Variants in ATP13A3 observed in about 807,000 individuals in gnomAD.
ATP13A3 encodes polyamine-transporting ATPase 13A3.
ATP13A3 carries 59 observed loss-of-function variants against 158.1 expected under a neutral mutation model. The ratio of observed to expected loss-of-function variants is 0.37; its 90% CI spans 0.30 to 0.46. The LOEUF is 0.46. ATP13A3 is among the 20% of genes least tolerant of loss of function. ATP13A3 has a pLI of 1.00. For synonymous variants in ATP13A3, 491 were observed against 504.3 expected, an observed-to-expected ratio of 0.97 and a Z score of 0.35; for missense variants, 1,166 against 1,525.2, an observed-to-expected ratio of 0.76 and a Z score of 3.92.
At chr3:194,413,940 A>G in intron 31 of ATP13A3, 101 bp from the exon 32 acceptor site, 1 of 944,890 alleles carries the variant, frequency 1.1e-6, no homozygotes, top group East Asian at 2.4e-5. Flanking sequence ...ATGATGTACC[A>G]AACACCTTCA....
chr3:194,460,949 T>C (rs1719613939), intron 3 of ATP13A3, 118 bp from the exon 4 acceptor site: 3 of 1,090,626 alleles, frequency 2.8e-6, no homozygotes, highest in Non-Finnish European at 3.8e-6. Flanking sequence ...TCACATAAAC[T>C]GTAAATATTT....
chr3:194,426,928 C>T (rs948344327), intron 29 of ATP13A3, 147 bp downstream of exon 29: 3 of 749,374 alleles, frequency 4.0e-6, no homozygotes, highest in Non-Finnish European at 6.3e-6. Flanking sequence ...AAGTGATCTA[C>T]CTGCCTCGGC....
At chr3:194,414,967 C>A (rs1715715921) in intron 31 of ATP13A3, among the ~76,000 whole-genome samples, 1 of 152,044 alleles carries the variant, frequency 6.6e-6, no homozygotes, top group Admixed American at 6.6e-5. Context: ...ACAGGTGAAG[C>A]CATGACTCTA....
At chr3:194,431,354 G>A in intron 22 of ATP13A3, 128 bp from the exon 23 acceptor site, 1 of 1,139,438 alleles carries the variant, frequency 8.8e-7, no homozygotes, top group Non-Finnish European at 1.2e-6. Context: ...ATGAAAGCCG[G>A]ACATTTATTC....
At chr3:194,417,831 C>T (rs1715976984) in intron 31 of ATP13A3, among the ~76,000 whole-genome samples, 1 of 151,854 alleles carries the variant, frequency 6.6e-6, no homozygotes, top group Non-Finnish European at 1.5e-5. Flanking sequence ...TGTGGTGGTG[C>T]ACAACTGTGG....
intron 31 of ATP13A3, among the ~76,000 whole-genome samples, chr3:194,414,459 TAAA>T (rs35965987): frequency 2.2e-5 from 3 of 134,290 alleles, no homozygotes; most frequent in African/African-American, 2.8e-5. Context: ...GAACCTGCCT[TAAA>T]AAAAAAAAAA....
chr3:194,484,404 G>T (rs1720884326), intron 2 of ATP13A3, among the ~76,000 whole-genome samples: 1 of 152,064 alleles, frequency 6.6e-6, no homozygotes, highest in African/African-American at 2.4e-5. Context: ...TGGTGGTTTT[G>T]TAACTACTGT....
In ATP13A3 at chr3:194,433,836, C is replaced by T. The variant is rs765699415; in HGVS notation, c.2181G>A (p.Lys727=). 1 of 1,613,998 alleles carries T rather than the reference C, an allele frequency of 6.2e-7. No homozygotes were observed. The highest frequency in any genetic ancestry group is 2.2e-5 in the East Asian group (1 of 44,852). ...CTTCAAGTACTGCAGGGGTTTCTTG[C>T]TTTAATTTGTTCTGCATTATAATTA... ...MGLIIMQNKL[K]QETPAVLEDL... Residue 727 remains lysine, a synonymous_variant, in exon 21 of 34, where the codon AAG becomes AAA. Coordinates refer to ENST00000645319, the MANE Select transcript of ATP13A3 (RefSeq NM_001367549.1).
At chr3:194,463,786 C>T (rs772576466) in intron 2 of ATP13A3, among the ~76,000 whole-genome samples, 21 of 152,166 alleles carry the variant, frequency 1.4e-4, no homozygotes, top group Non-Finnish European at 2.4e-4. Context: ...CAAGTAAAAA[C>T]CAAATGCAGA....
rs573928681 is a variant in ATP13A3, at chr3:194,448,945, G to C, written c.971-309C>G. Reference sequence around the variant, plus strand: ...TTCAGTTTCAAATAATTTCAAAAAAGATTAAGTAGTTGCTATAGTCCCTGC... The same window carrying C: ...TTCAGTTTCAAATAATTTCAAAAAACATTAAGTAGTTGCTATAGTCCCTGC... On this transcript the variant is annotated intron_variant, in intron 11 of 33. Coordinates refer to ENST00000645319, the MANE Select transcript of ATP13A3 (RefSeq NM_001367549.1). This position sits in a 1 kb window ranked among gnomAD's most constrained non-coding sequence, Gnocchi z 4.0. Among the ~76,000 whole-genome samples the C allele has an allele frequency of 6.6e-6, 1 of 151,946 alleles. No individual in the cohort carries two copies. Among genetic ancestry groups the C allele is most frequent in the East Asian group, 1.9e-4 (1 of 5,170 alleles).
chr3:194,484,480 G>A (rs1720886053), intron 2 of ATP13A3, among the ~76,000 whole-genome samples: 1 of 152,040 alleles, frequency 6.6e-6, no homozygotes, highest in Non-Finnish European at 1.5e-5. Flanking sequence ...TAGGACATAG[G>A]CACTATATCA....
intron 2 of ATP13A3, among the ~76,000 whole-genome samples, chr3:194,472,523 C>A (rs1720350825): frequency 6.6e-6 from 1 of 152,094 alleles, no homozygotes; most frequent in African/African-American, 2.4e-5. Flanking sequence ...GGCTGAGTTA[C>A]AACAAGACTT....
chr3:194,420,489 C>T (rs1357300441), intron 30 of ATP13A3: 2 of 152,158 alleles, frequency 1.3e-5, no homozygotes, highest in Non-Finnish European at 2.9e-5. Context: ...AAATGTATTT[C>T]TAGTAAGTGA....
At chr3:194,447,824 A>G in intron 13 of ATP13A3, 28 bp downstream of exon 13, 3 of 1,567,774 alleles carry the variant, frequency 1.9e-6, no homozygotes, top group Non-Finnish European at 2.6e-6. Flanking sequence ...TTGAGGTTCA[A>G]ACCCTATTAA....
At chr3:194,427,332 G>A in intron 28 of ATP13A3, 80 bp from the exon 29 acceptor site, 1 of 1,307,794 alleles carries the variant, frequency 7.6e-7, no homozygotes, top group South Asian at 1.7e-5. Flanking sequence ...ATTCATTTAG[G>A]AACTTTAAAA....
At chr3:194,476,739 A>G (rs1720539443) in intron 2 of ATP13A3, among the ~76,000 whole-genome samples, 1 of 151,942 alleles carries the variant, frequency 6.6e-6, no homozygotes, top group Admixed American at 6.5e-5. Context: ...CCAAACTGGT[A>G]AAAGAGTACC....
intron 2 of ATP13A3, 49 bp from the exon 3 acceptor site, chr3:194,462,285 T>C (rs1719717907): frequency 4.0e-6 from 5 of 1,239,504 alleles, no homozygotes; most frequent in Non-Finnish European, 5.9e-6. Flanking sequence ...TCTATCTTAG[T>C]AGACGATACA....
intron 30 of ATP13A3, among the ~76,000 whole-genome samples, chr3:194,420,998 G>A (rs1208993915): frequency 6.8e-6 from 1 of 146,744 alleles, no homozygotes; most frequent in Admixed American, 6.9e-5. Context: ...AAACGTGGAT[G>A]TTATTTGTAA....
In ATP13A3 at chr3:194,433,903, A is replaced by G. The variant is rs1338798498; in HGVS notation, c.2121-7T>C. ...GTTGTTCTCAATTGCATCTCTGCAG[A>G]AAAAGAAGTTTTAACACATAATGGT... On this transcript the variant is annotated splice_region_variant and splice_polypyrimidine_tract_variant and intron_variant, in intron 20 of 33. Transcript: ENST00000645319. 4 of 1,612,842 alleles carry G rather than the reference A, an allele frequency of 2.5e-6. No individual in the cohort carries two copies. The highest frequency in any genetic ancestry group is 3.4e-6 in the Non-Finnish European group (4 of 1,179,364).
Sources: gnomAD v4.1 joint callset for allele counts (sites outside exome capture counted in the v4.1 genomes callset) on GRCh38, gnomAD v4.1.1 for gene constraint, Gnocchi (gnomAD v3.1) non-coding constraint, MANE v1.5 for transcripts, NCBI Gene and HGNC (gene_info 2026-07-23, HGNC 2026-07-21) for gene names.